Variants in GRID2 observed in about 807,000 individuals in gnomAD.
GRID2 encodes glutamate ionotropic receptor delta type subunit 2, also known as glutamate receptor ionotropic, delta-2.
A neutral mutation model predicts 114.8 loss-of-function variants in GRID2; 33 were observed. The ratio of observed to expected loss-of-function variants is 0.29; its 90% confidence interval spans 0.22 to 0.38. The LOEUF is 0.38. Ranked by LOEUF, GRID2 falls within the 10% of genes least tolerant of loss-of-function variation. The pLI is 1.00. For missense variants in GRID2, 1,184 were observed against 1,257.7 expected (o/e 0.94, Z 0.89); for synonymous variants, 505 against 449.9 (o/e 1.12, Z -1.55).
At chr4:92,400,485 C>T (rs1232551569) in intron 1 of GRID2, among the ~76,000 whole-genome samples, 1 of 152,098 alleles carries the variant, frequency 6.6e-6, no homozygotes, top group Non-Finnish European at 1.5e-5. Flanking sequence ...GGCCATACCA[C>T]TATTTGTTTA....
intron 1 of GRID2, among the ~76,000 whole-genome samples, chr4:92,396,014 AT>A (rs1382229037): frequency 6.6e-6 from 1 of 151,888 alleles, no homozygotes; most frequent in East Asian, 1.9e-4. Flanking sequence ...TAATAGAAGA[AT>A]TTTTATGATA....
intron 1 of GRID2, among the ~76,000 whole-genome samples, chr4:92,557,643 G>A (rs868611488): frequency 2.4e-4 from 20 of 83,528 alleles, no homozygotes; most frequent in Admixed American, 2.3e-3. Context: ...ATATATATAT[G>A]GTTATATATA....
intron 1 of GRID2, among the ~76,000 whole-genome samples, chr4:92,438,820 C>A (rs943132576): frequency 1.3e-5 from 2 of 152,126 alleles, no homozygotes; most frequent in Non-Finnish European, 2.9e-5. Context: ...TATTCTTTTA[C>A]CAATGTCCCC....
chr4:92,828,604 C>T (rs1352919817), intron 2 of GRID2, among the ~76,000 whole-genome samples: 3 of 151,970 alleles, frequency 2.0e-5, no homozygotes, highest in East Asian at 1.9e-4. Context: ...TTATAAATGC[C>T]CTACATTTCT....
intron 14 of GRID2, among the ~76,000 whole-genome samples, chr4:93,715,910 G>C (rs1728863850): frequency 6.6e-6 from 1 of 152,028 alleles, no homozygotes; most frequent in Non-Finnish European, 1.5e-5. Flanking sequence ...TCCTATTTGA[G>C]TATCTTTATT....
chr4:93,308,229 T>C (rs1755644868), intron 8 of GRID2, among the ~76,000 whole-genome samples: 1 of 152,234 alleles, frequency 6.6e-6, no homozygotes, highest in Admixed American at 6.5e-5. Context: ...CCGGAAGTGA[T>C]GGTTCAGTGT....
intron 12 of GRID2, among the ~76,000 whole-genome samples, chr4:93,502,716 C>CACA (rs369781068): frequency 7.1e-6 from 1 of 140,710 alleles, no homozygotes; most frequent in African/African-American, 2.7e-5. Context: ...CTCCCCCCCC[C>CACA]CACACACACA....
chr4:92,664,509 A>G (rs1407875289), intron 2 of GRID2, among the ~76,000 whole-genome samples: 4 of 151,140 alleles, frequency 2.6e-5, no homozygotes, highest in Admixed American at 6.6e-5. Context: ...GTTAAGAAGA[A>G]TGGGTATTCT....
chr4:93,204,581 A>G (rs1008086159), intron 4 of GRID2, among the ~76,000 whole-genome samples: 4 of 152,152 alleles, frequency 2.6e-5, no homozygotes, highest in Non-Finnish European at 2.9e-5. Context: ...TCATGGCTTT[A>G]GACAACATGT....
chr4:92,898,134 G>T (rs1747304622), intron 2 of GRID2, among the ~76,000 whole-genome samples: 1 of 152,034 alleles, frequency 6.6e-6, no homozygotes, highest in Non-Finnish European at 1.5e-5. Context: ...TGATCATTTT[G>T]TTGAAAATAC....
chr4:92,485,283 TAATA>T (rs1311982769), intron 1 of GRID2, among the ~76,000 whole-genome samples: 2 of 139,200 alleles, frequency 1.4e-5, no homozygotes, highest in Non-Finnish European at 3.1e-5. Context: ...TCCTTATATA[TAATA>T]AATAAGGTGT....
chr4:92,880,301 T>C (rs965660135), intron 2 of GRID2, among the ~76,000 whole-genome samples: 2 of 152,230 alleles, frequency 1.3e-5, no homozygotes, highest in African/African-American at 4.8e-5. Flanking sequence ...TTTATTTTCC[T>C]GTAAAGATGA....
At chr4:92,583,693 T>C (rs994295585) in intron 1 of GRID2, among the ~76,000 whole-genome samples, 19 of 136,644 alleles carry the variant, frequency 1.4e-4, no homozygotes, top group Admixed American at 6.2e-4. Flanking sequence ...ACATATATAA[T>C]ATACATATAA....
intron 1 of GRID2, among the ~76,000 whole-genome samples, chr4:92,312,651 G>A (rs988388824): frequency 6.6e-6 from 1 of 152,070 alleles, no homozygotes; most frequent in Non-Finnish European, 1.5e-5. Flanking sequence ...TCAAACTTGA[G>A]AGTTTAAATT....
At chr4:92,817,132 T>C (rs981230152) in intron 2 of GRID2, among the ~76,000 whole-genome samples, 3 of 152,108 alleles carry the variant, frequency 2.0e-5, no homozygotes, top group Non-Finnish European at 4.4e-5. Context: ...CACTAAGTCA[T>C]GTTCAATCTG....
intron 13 of GRID2, among the ~76,000 whole-genome samples, chr4:93,590,367 A>T (rs1397327857): frequency 7.3e-5 from 11 of 150,310 alleles, no homozygotes; most frequent in East Asian, 5.8e-4. Context: ...ATAGTTGTAG[A>T]TAGGTGGCGT....
intron 14 of GRID2, among the ~76,000 whole-genome samples, chr4:93,723,922 T>G (rs565811676): frequency 2.0e-4 from 31 of 152,320 alleles, no homozygotes; most frequent in African/African-American, 7.2e-4. Flanking sequence ...TCTGATTTGA[T>G]TTGTTTCTTT....
chr4:92,430,501 G>A (rs552154159), intron 1 of GRID2, among the ~76,000 whole-genome samples: 2 of 152,236 alleles, frequency 1.3e-5, no homozygotes, highest in African/African-American at 4.8e-5. Context: ...TGCTGTTCCA[G>A]TTACAATAGC....
At chr4:93,402,983 G>C (rs71599280) in intron 9 of GRID2, among the ~76,000 whole-genome samples, 1 of 152,080 alleles carries the variant, frequency 6.6e-6, no homozygotes, top group South Asian at 2.1e-4. Flanking sequence ...AGGTCCCAGC[G>C]TTTGAGCCTC....
Sources: allele counts gnomAD v4.1 joint callset (sites outside exome capture counted in the v4.1 genomes callset), GRCh38; gene constraint gnomAD v4.1.1; transcripts MANE v1.5; gene names NCBI Gene and HGNC (gene_info 2026-07-23, HGNC 2026-07-21).